The following NUMBL variants were observed in gnomAD, a reference collection of about 807,000 sequenced individuals.
NUMBL encodes NUMB like endocytic adaptor protein, also known as numb-like protein.
A neutral mutation model predicts 48.9 loss-of-function variants in NUMBL; 20 were observed. That is an observed-to-expected ratio of 0.41 (90% confidence interval 0.29 to 0.59). The LOEUF is 0.59. Among genes scored for constraint, NUMBL ranks in the 20% least tolerant of loss-of-function variants. The pLI, the probability that NUMBL is intolerant of heterozygous loss-of-function variation, is 0.31. For synonymous variants in NUMBL, 340 were observed against 348.7 expected (o/e 0.98, Z 0.28); for missense variants, 660 against 846.2 (o/e 0.78, Z 2.73).
rs750290653 is a variant in NUMBL, at chr19:40,670,035, A to G, written c.1037-15T>C. On this transcript the variant is annotated splice_polypyrimidine_tract_variant and intron_variant, in intron 8 of 9. Transcript: ENST00000252891. ...CATCTCAGGCACTGGGAAGCAGGGC[A>G]GGACAGAGGTCAGCAAACAGGCCCA... 3.1e-6 allele frequency: 5 copies of G among 1,612,636 alleles called. No individual in the cohort carries two copies. The highest frequency in any genetic ancestry group is 4.2e-6 in the Non-Finnish European group (5 of 1,179,330).
intron 6 of NUMBL, among the ~76,000 whole-genome samples, chr19:40,679,661 A>T (rs775898210): frequency 2.2e-4 from 34 of 152,230 alleles, no homozygotes; most frequent in Admixed American, 1.3e-4. Flanking sequence ...CTGGGTAACA[A>T]GAGCGAAACT....
intron 7 of NUMBL, among the ~76,000 whole-genome samples, chr19:40,676,438 T>C (rs2081876267): frequency 6.6e-6 from 1 of 151,888 alleles, no homozygotes; most frequent in Admixed American, 6.6e-5. Context: ...TACAGCAAAT[T>C]GGCTTCCCAG....
Position 40,667,802 on chromosome 19 carries a change from T to A in NUMBL, c.1496A>T (p.Tyr499Phe). The A allele has an allele frequency of 6.3e-7, 1 of 1,583,814 alleles. No individual in the cohort carries two copies. Among genetic ancestry groups the A allele is most frequent in the Non-Finnish European group, 8.6e-7 (1 of 1,165,556 alleles). Residue 499 changes from tyrosine (Y) to phenylalanine (F), a missense_variant, in exon 10 of 10, where the codon TAC (tyrosine) becomes TTC (phenylalanine). By Grantham distance (22) the Tyr-to-Phe change is conservative (BLOSUM62 3). Around this residue, in one of 3 missense-constraint regions of NUMBL, gnomAD observed 296 missense variants for 339.7 expected, o/e 0.87. Transcript: ENST00000252891. This position sits in a 1 kb window ranked among gnomAD's most constrained non-coding sequence, Gnocchi z 6.1. Reference sequence around the variant, plus strand: ...CACGGGCACCCGGGGCATCGGTGGGTAGCCCAAGCCCGGGTAGGCGGGCAC... The same window carrying A: ...CACGGGCACCCGGGGCATCGGTGGGAAGCCCAAGCCCGGGTAGGCGGGCAC... ...PFVPAYPGLG[Y>F]PPMPRVPVVG...
chr19:40,667,389 C>T lies in NUMBL; in HGVS notation c.*79G>A. On this transcript the variant is annotated 3_prime_UTR_variant, in exon 10 of 10. Coordinates refer to ENST00000252891, the MANE Select transcript of NUMBL (RefSeq NM_004756.5). The surrounding 1 kb of genome is among the most constrained non-coding windows in gnomAD (Gnocchi z 6.1). ...TGTTGAGGGGCGCAGCCCCAGGGAG[C>T]AGGGTTAGGGGAGAGGTTGTGCCTC... is the stretch of plus-strand genomic sequence containing the variant. The T allele has an allele frequency of 6.5e-7, 1 of 1,545,110 alleles. No homozygotes were observed. Among genetic ancestry groups the T allele is most frequent in the Non-Finnish European group, 8.7e-7 (1 of 1,147,960 alleles).
intron 8 of NUMBL, among the ~76,000 whole-genome samples, chr19:40,671,091 G>A (rs754649286): frequency 2.6e-5 from 4 of 152,108 alleles, no homozygotes; most frequent in Non-Finnish European, 5.9e-5. Context: ...ATCTTCCTGA[G>A]TAGCTGGGAC....
At position 40,688,734 on chromosome 19, in the gene NUMBL, C is replaced by T. The variant is rs114565533; in HGVS notation, c.24+1726G>A. On this transcript the variant is annotated intron_variant, in intron 1 of 9. Transcript: ENST00000252891. This position sits in a 1 kb window ranked among gnomAD's most constrained non-coding sequence, Gnocchi z 4.6. ...TAATTTCCTGGCACCAGCACGGAGA[C>T]ACATCCACAGCTTTAGTCACACACA... is the stretch of plus-strand genomic sequence containing the variant. Among the ~76,000 whole-genome samples, 1,354 of 152,316 alleles carry T rather than the reference C, an allele frequency of 8.9e-3. 16 individuals carry two copies. Among genetic ancestry groups the T allele is most frequent in the African/African-American group, 0.03 (1,228 of 41,566 alleles).
chr19:40,686,757 G>C (rs77118553), intron 2 of NUMBL, among the ~76,000 whole-genome samples, 154 bp downstream of exon 2: 1,546 of 152,304 alleles, frequency 0.01, 22 homozygotes, highest in African/African-American at 0.035. Flanking sequence ...GTCTGTGCAT[G>C]AGTGGGGCTC....
At position 40,668,151 on chromosome 19, in the gene NUMBL, G is replaced by C. The variant is rs1391064847; in HGVS notation, c.1160-13C>G. 1.3e-6 allele frequency: 2 copies of C among 1,580,478 alleles called. No homozygotes were observed. Among genetic ancestry groups the C allele is most frequent in the East Asian group, 2.3e-5 (1 of 44,218 alleles). On this transcript the variant is annotated splice_polypyrimidine_tract_variant and intron_variant, in intron 9 of 9. Coordinates refer to ENST00000252891, the MANE Select transcript of NUMBL (RefSeq NM_004756.5). ...CAGGCAGAAGTCCCTGGAGAGAGGA[G>C]AGGGACAGGTGAGGGAGGGGGCAAC...
At position 40,687,121 on chromosome 19, in the gene NUMBL, G is replaced by A; in HGVS notation, c.25-126C>T. On this transcript the variant is annotated intron_variant, in intron 1 of 9. Transcript: ENST00000252891. This position sits in a 1 kb window ranked among gnomAD's most constrained non-coding sequence, Gnocchi z 4.6. ...GGGCTCCCTGATGAGAGTCCTAGTTGTCCTAGCAACTGTTACCAGGGAGAT... is the reference window on the plus strand; with the variant it reads ...GGGCTCCCTGATGAGAGTCCTAGTTATCCTAGCAACTGTTACCAGGGAGAT... 1.7e-6 allele frequency: 1 copy of A among 597,322 alleles called. No individual in the cohort carries two copies. The highest frequency in any genetic ancestry group is 2.9e-6 in the Non-Finnish European group (1 of 346,000). 37.0% of individuals were successfully genotyped at this position (597,322 alleles called of 1,614,324 possible). A position where few individuals can be genotyped will look rare whatever the true frequency, so the allele number is the denominator to read the frequency against.
chr19:40,690,163 C>T (rs1237424942), intron 1 of NUMBL: 1 of 311,130 alleles, frequency 3.2e-6, no homozygotes, highest in Non-Finnish European at 5.9e-6. Context: ...CCATCCCCAT[C>T]TAGTTCTAGG....
chr19:40,684,198 A>G, intron 3 of NUMBL: 2 of 505,552 alleles, frequency 4.0e-6, no homozygotes, highest in Non-Finnish European at 7.0e-6. Flanking sequence ...CCTCCCCAGT[A>G]GCTGGGACTA....
In NUMBL at chr19:40,680,811, G is replaced by C. The variant is rs923771338; in HGVS notation, c.540+106C>G. 2.4e-6 allele frequency: 3 copies of C among 1,254,204 alleles called. No homozygotes were observed. The African/African-American group carries it at 4.5e-5, about 19-fold the overall frequency. The allele number at this position is 1,254,204 out of a possible 1,614,324, so 77.7% of individuals were successfully genotyped here. A position where few individuals can be genotyped will look rare whatever the true frequency, so the allele number is the denominator to read the frequency against. ...CTTTCTTCTCCAGATGAGGAAACTG[G>C]GCACACAGAGGTTAGTGATGTGCCT... On this transcript the variant is annotated intron_variant, in intron 6 of 9. Transcript: ENST00000252891.
intron 9 of NUMBL, among the ~76,000 whole-genome samples, chr19:40,668,609 C>A (rs1168723199): frequency 6.6e-6 from 1 of 152,030 alleles, no homozygotes; most frequent in Non-Finnish European, 1.5e-5. Context: ...CAGGCGCGCA[C>A]CATTACGCCC....
chr19:40,669,939 C>G lies in NUMBL; in HGVS notation c.1118G>C (p.Ser373Thr), dbSNP rs1599901544. 1 of 1,614,074 alleles carries G rather than the reference C, an allele frequency of 6.2e-7. No individual in the cohort carries two copies. Among genetic ancestry groups the G allele is most frequent in the East Asian group, 2.2e-5 (1 of 44,872 alleles). The change falls in exon 9 of 10, where the codon AGT becomes ACT. Residue 373 changes from serine (S) to threonine (T), a missense_variant. This residue lies in a region of NUMBL where 296 missense variants were observed against 339.7 expected (regional missense o/e 0.87). Transcript: ENST00000252891. ...LCTQISSSFA[S>T]AGAPAPGPPP... is the part of the protein sequence containing the mutation. ...TGGCCCTGGTGCTGGCGCTCCAGCACTGGCAAAAGATGAACTGATCTGTGT... is the reference window on the plus strand; with the variant it reads ...TGGCCCTGGTGCTGGCGCTCCAGCAGTGGCAAAAGATGAACTGATCTGTGT...
At chr19:40,678,356 T>G (rs967037010) in intron 6 of NUMBL, among the ~76,000 whole-genome samples, 1 of 152,164 alleles carries the variant, frequency 6.6e-6, no homozygotes, top group Non-Finnish European at 1.5e-5. Context: ...AGAGATGGGA[T>G]TTCATGATGT....
rs1477722991 is a variant in NUMBL, at chr19:40,687,387, C to T, written c.25-392G>A. On this transcript the variant is annotated intron_variant, in intron 1 of 9. Transcript: ENST00000252891. The surrounding 1 kb of genome is among the most constrained non-coding windows in gnomAD (Gnocchi z 4.6). The stretch of plus-strand genomic sequence containing the variant: ...CATAGACGCAATCACAGCTACACAC[C>T]TCAGATCGCAGATACACAGAAACAG... Among the ~76,000 whole-genome samples, 1 of 152,214 alleles carries T rather than the reference C, an allele frequency of 6.6e-6. No homozygotes were observed. The highest frequency in any genetic ancestry group is 1.5e-5 in the Non-Finnish European group (1 of 68,026).
chr19:40,686,903 T>A lies in NUMBL; in HGVS notation c.109+8A>T. On this transcript the variant is annotated splice_region_variant and intron_variant, in intron 2 of 9. Transcript: ENST00000252891. The stretch of plus-strand genomic sequence containing the variant: ...TCAGCCCTGCCCTGTCCCAGGCTGG[T>A]CGCTCACCTGGCTCCGTCCTGCAGG... The A allele has an allele frequency of 2.6e-6, 4 of 1,530,928 alleles. No individual in the cohort carries two copies. Among genetic ancestry groups the A allele is most frequent in the Non-Finnish European group, 3.5e-6 (4 of 1,128,658 alleles). 94.8% of individuals were successfully genotyped at this position (1,530,928 alleles called of 1,614,324 possible). A position where few individuals can be genotyped will look rare whatever the true frequency, so the allele number is the denominator to read the frequency against.
At chr19:40,668,257 C>T (rs886510633) in intron 9 of NUMBL, 119 bp from the exon 10 acceptor site, 1 of 1,440,512 alleles carries the variant, frequency 6.9e-7, no homozygotes, top group East Asian at 2.5e-5. Context: ...GACCGCCTGC[C>T]TCTGAATCCC....
At position 40,687,703 on chromosome 19, in the gene NUMBL, C is replaced by T. The variant is rs1396949766; in HGVS notation, c.25-708G>A. 1.3e-5 allele frequency among the ~76,000 whole-genome samples: 2 copies of T among 152,210 alleles called. No homozygotes were observed. Among genetic ancestry groups the T allele is most frequent in the Non-Finnish European group, 2.9e-5 (2 of 68,042 alleles). On this transcript the variant is annotated intron_variant, in intron 1 of 9. Transcript: ENST00000252891. The surrounding 1 kb of genome is among the most constrained non-coding windows in gnomAD (Gnocchi z 4.6). ...CGCCCAAGATACTGACGTCACAGGC[C>T]CACCCAGATAGAATCACACCCAGAG...
Sources: gnomAD v4.1 joint callset for allele counts (sites outside exome capture counted in the v4.1 genomes callset) on GRCh38, gnomAD v4.1.1 for gene constraint, gnomAD v4.1.1 regional missense constraint, Gnocchi (gnomAD v3.1) non-coding constraint, MANE v1.5 for transcripts, NCBI Gene and HGNC (gene_info 2026-07-23, HGNC 2026-07-21) for gene names.